Variants in TAF3 observed in about 807,000 individuals in gnomAD.
TAF3 encodes the protein TATA-box binding protein associated factor 3.
A neutral mutation model predicts 80.6 loss-of-function variants in TAF3; 7 were observed. The observed-to-expected ratio is 0.09, with a 90% CI of 0.05 to 0.16. The LOEUF (loss-of-function observed/expected upper bound fraction) is 0.16. TAF3 is among the 10% of genes least tolerant of loss of function. The pLI is 1.00. For synonymous variants in TAF3, 444 were observed against 446.1 expected (o/e 1.00, Z 0.06); for missense variants, 921 against 1,140.2 (o/e 0.81, Z 2.77).
intron 4 of TAF3, among the ~76,000 whole-genome samples, chr10:7,983,626 T>A (rs1831748474): frequency 6.6e-6 from 1 of 152,198 alleles, no homozygotes; most frequent in Non-Finnish European, 1.5e-5. Flanking sequence ...TTTTCCCTGA[T>A]TAACTTGCTA....
At chr10:7,984,156 A>G (rs111383436) in intron 4 of TAF3, among the ~76,000 whole-genome samples, 19 of 152,310 alleles carry the variant, frequency 1.2e-4, no homozygotes, top group African/African-American at 4.6e-4. Context: ...TTTCCAGAAA[A>G]GGAGTTTTTG....
intron 4 of TAF3, among the ~76,000 whole-genome samples, chr10:7,987,155 C>T (rs902441305): frequency 1.3e-5 from 2 of 152,078 alleles, no homozygotes; most frequent in Non-Finnish European, 2.9e-5. Flanking sequence ...GATCCTGTCT[C>T]TACAAAAAAT....
At chr10:7,943,326 G>A (rs919867387) in intron 2 of TAF3, among the ~76,000 whole-genome samples, 9 of 152,266 alleles carry the variant, frequency 5.9e-5, no homozygotes, top group Middle Eastern at 3.4e-3. Context: ...CATTTTAGAT[G>A]ATACGTTTGT....
rs1564350820 is a variant in TAF3, at chr10:7,863,642, T to TAC, written c.409+39083_409+39084insCA. On this transcript the variant is annotated intron_variant, in intron 2 of 6. Transcript: ENST00000344293. Reference sequence around the variant, plus strand: ...AAAAAAAAAAATATATATATATATATATATACACACACACATATATATATA... The same window carrying TAC: ...AAAAAAAAAAATATATATATATATATACATATACACACACACATATATATATA... 4.6e-4 allele frequency among the ~76,000 whole-genome samples: 55 copies of TAC among 118,754 alleles called. 12 individuals carry two copies. Among genetic ancestry groups the TAC allele is most frequent in the African/African-American group, 1.7e-3 (53 of 31,902 alleles). 77.9% of individuals were successfully genotyped at this position (118,754 alleles called of 152,430 possible). A position where few individuals can be genotyped will look rare whatever the true frequency, so the allele number is the denominator to read the frequency against.
chr10:7,913,515 T>C (rs1476138982), intron 2 of TAF3, among the ~76,000 whole-genome samples: 1 of 152,246 alleles, frequency 6.6e-6, no homozygotes, highest in Non-Finnish European at 1.5e-5. Context: ...TATGCCACAG[T>C]ATTTTAAGAT....
chr10:7,972,195 G>A (rs1831628985), intron 3 of TAF3, among the ~76,000 whole-genome samples: 1 of 152,174 alleles, frequency 6.6e-6, no homozygotes, highest in Non-Finnish European at 1.5e-5. Context: ...TTTTTGGTAA[G>A]TGCATGTGAG....
intron 2 of TAF3, among the ~76,000 whole-genome samples, chr10:7,855,937 A>G (rs539740073): frequency 8.2e-4 from 124 of 151,818 alleles, no homozygotes; most frequent in African/African-American, 2.9e-3. Context: ...GAAAAAAAAA[A>G]AGACAAAAAA....
chr10:7,924,942 A>T (rs1837801048), intron 2 of TAF3, among the ~76,000 whole-genome samples: 1 of 152,204 alleles, frequency 6.6e-6, no homozygotes, highest in South Asian at 2.1e-4. Flanking sequence ...ATGTCAGTTT[A>T]GTTTCCTGAT....
At position 7,964,506 on chromosome 10, in the gene TAF3, A is replaced by G; in HGVS notation, c.996A>G (p.Gln332=). ...KSPKVTTHIP[Q]TPVRPETPNR... is the part of the protein sequence containing the mutation. ...CCAAGGTCACGACTCACATTCCCCA[A>G]ACACCTGTGAGACCTGAAACGCCCA... The change falls in exon 3 of 7, where the codon CAA becomes CAG. Residue 332 remains glutamine, a synonymous_variant. Transcript: ENST00000344293. The surrounding 1 kb of genome is among the most constrained non-coding windows in gnomAD (Gnocchi z 4.1). 1 of 1,613,336 alleles carries G rather than the reference A, an allele frequency of 6.2e-7. No individual in the cohort carries two copies. The highest frequency in any genetic ancestry group is 8.5e-7 in the Non-Finnish European group (1 of 1,179,730).
intron 2 of TAF3, among the ~76,000 whole-genome samples, chr10:7,846,481 C>G (rs1398946978): frequency 6.6e-6 from 1 of 152,114 alleles, no homozygotes; most frequent in Non-Finnish European, 1.5e-5. Context: ...CCTTGGTGTA[C>G]TGTTTGGGTC....
At chr10:7,897,676 C>CTTTTT (rs1210378117) in intron 2 of TAF3, among the ~76,000 whole-genome samples, 1 of 140,588 alleles carries the variant, frequency 7.1e-6, no homozygotes. Context: ...TTCTTTCTTT[C>CTTTTT]TTTTTTTTTT....
At chr10:7,929,605 C>A (rs1403706281) in intron 2 of TAF3, among the ~76,000 whole-genome samples, 7 of 152,126 alleles carry the variant, frequency 4.6e-5, no homozygotes, top group Admixed American at 1.3e-4. Context: ...CTCAAGTGAC[C>A]TACTCACCTC....
intron 4 of TAF3, among the ~76,000 whole-genome samples, chr10:8,002,782 T>G (rs1831956603): frequency 6.6e-6 from 1 of 152,224 alleles, no homozygotes; most frequent in Non-Finnish European, 1.5e-5. Flanking sequence ...GAGATAAATA[T>G]GCTTACATCT....
At chr10:7,977,876 G>A (rs1831689222) in intron 4 of TAF3, among the ~76,000 whole-genome samples, 1 of 152,110 alleles carries the variant, frequency 6.6e-6, no homozygotes, top group Admixed American at 6.5e-5. Flanking sequence ...CACGTTTGCT[G>A]TTTATTTGTC....
At chr10:7,996,110 C>A (rs1831884750) in intron 4 of TAF3, among the ~76,000 whole-genome samples, 1 of 152,128 alleles carries the variant, frequency 6.6e-6, no homozygotes, top group Non-Finnish European at 1.5e-5. Flanking sequence ...GACCCTGAAA[C>A]TTAGTGATTT....
chr10:7,896,851 C>T (rs887590914), intron 2 of TAF3, among the ~76,000 whole-genome samples: 10 of 152,130 alleles, frequency 6.6e-5, no homozygotes, highest in African/African-American at 2.2e-4. Flanking sequence ...AGGCCAAAGT[C>T]AGATGTCAGC....
chr10:7,836,666 G>C (rs1227758338), intron 2 of TAF3, among the ~76,000 whole-genome samples: 1 of 152,186 alleles, frequency 6.6e-6, no homozygotes, highest in Non-Finnish European at 1.5e-5. Flanking sequence ...AGAAACATGA[G>C]AATTAGCATT....
chr10:7,853,450 G>T (rs1588524772), intron 2 of TAF3, among the ~76,000 whole-genome samples: 1 of 152,308 alleles, frequency 6.6e-6, no homozygotes, highest in East Asian at 1.9e-4. Flanking sequence ...TCAGGAGGTG[G>T]TGGTGAAAAA....
Position 7,834,995 on chromosome 10 carries a change from A to C in TAF3, c.409+10435A>C, listed in dbSNP as rs528419267. ...TTTCAAGATAGAACATTATAGGTTC[A>C]TCAGTTTTTTCGAGTGTGTGTTTCT... On this transcript the variant is annotated intron_variant, in intron 2 of 6. Coordinates refer to ENST00000344293, the MANE Select transcript of TAF3 (RefSeq NM_031923.4). 3.3e-5 allele frequency among the ~76,000 whole-genome samples: 5 copies of C among 152,286 alleles called. No individual in the cohort carries two copies. The South Asian group carries it at 8.3e-4, about 25-fold the overall frequency.
Sources: gnomAD v4.1 joint callset for allele counts (sites outside exome capture counted in the v4.1 genomes callset) on GRCh38, gnomAD v4.1.1 for gene constraint, Gnocchi (gnomAD v3.1) non-coding constraint, MANE v1.5 for transcripts, NCBI Gene and HGNC (gene_info 2026-07-23, HGNC 2026-07-21) for gene names.